Variants in THADA observed in about 807,000 individuals in gnomAD.
THADA encodes the protein THADA armadillo repeat containing, also known as tRNA (32-2'-O)-methyltransferase regulator THADA.
A neutral mutation model predicts 219.8 loss-of-function variants in THADA; 213 were observed. The ratio of observed to expected loss-of-function variants is 0.97; its 90% CI spans 0.87 to 1.09. The LOEUF is 1.09. Ranked by LOEUF, THADA falls within the 50% of genes least tolerant of loss-of-function variation. The pLI is 0.00. For missense variants in THADA, 2,956 were observed against 2,311.3 expected (o/e 1.28, Z -5.72); for synonymous variants, 1,018 against 828.9 (o/e 1.23, Z -3.92).
At chr2:43,477,281 T>A (rs529020220) in intron 26 of THADA, among the ~76,000 whole-genome samples, 2 of 151,944 alleles carry the variant, frequency 1.3e-5, no homozygotes, top group Non-Finnish European at 2.9e-5. Context: ...AGAGAGAGAA[T>A]CTCCATGGTC....
chr2:43,252,542 C>T (rs1040025353), intron 36 of THADA, among the ~76,000 whole-genome samples: 2 of 152,154 alleles, frequency 1.3e-5, no homozygotes, highest in African/African-American at 4.8e-5. Context: ...ATGGCTCCCA[C>T]ATCATATGGC....
intron 26 of THADA, among the ~76,000 whole-genome samples, chr2:43,440,484 T>C (rs564475801): frequency 3.1e-4 from 47 of 152,328 alleles, no homozygotes; most frequent in South Asian, 1.0e-3. Flanking sequence ...CTACAGGCCA[T>C]TGTTATATTC....
chr2:43,556,656 G>A, intron 16 of THADA, 101 bp from the exon 17 acceptor site: 1 of 1,121,964 alleles, frequency 8.9e-7, no homozygotes, highest in Non-Finnish European at 1.2e-6. Flanking sequence ...GAGTACAGTG[G>A]GCTCGAGCCT....
chr2:43,581,576 A>AAAAAC (rs1700462133), intron 8 of THADA, among the ~76,000 whole-genome samples, 165 bp downstream of exon 8: 1 of 150,790 alleles, frequency 6.6e-6, no homozygotes, highest in Non-Finnish European at 1.5e-5. Context: ...AAAAAAAAAA[A>AAAAAC]AACCATGTAG....
intron 28 of THADA, among the ~76,000 whole-genome samples, chr2:43,407,415 C>T (rs1165913547): frequency 1.3e-5 from 2 of 152,122 alleles, no homozygotes; most frequent in Non-Finnish European, 2.9e-5. Context: ...TATGATAGCT[C>T]TCTATTGTCA....
rs1695263033 is a variant in THADA at position 43,541,242 on chromosome 2, C to T, written c.3181G>A (p.Ala1061Thr). 6.2e-7 allele frequency: 1 copy of T among 1,611,966 alleles called. No homozygotes were observed. Among genetic ancestry groups the T allele is most frequent in the East Asian group, 2.2e-5 (1 of 44,760 alleles). ...VCCWRSMKEV[A>T]LLLGMLCQLL... ...TGGCACAACATGCCTAAAAGTAAAG[C>T]AACTTCCTTCATACTTCTCCAACAA... Residue 1061 changes from alanine to threonine, a missense_variant, in exon 21 of 38, where the codon GCT becomes ACT. Ala to Thr is a moderately conservative substitution (Grantham distance 58). Transcript: ENST00000405975.
At chr2:43,271,452 A>G (rs574287197) in intron 36 of THADA, among the ~76,000 whole-genome samples, 2 of 152,164 alleles carry the variant, frequency 1.3e-5, no homozygotes, top group Non-Finnish European at 2.9e-5. Flanking sequence ...TCTGAAAAAC[A>G]CTAAGCTTCT....
intron 27 of THADA, among the ~76,000 whole-genome samples, chr2:43,428,450 C>CA (rs931423242): frequency 4.6e-5 from 7 of 152,030 alleles, no homozygotes; most frequent in Non-Finnish European, 1.0e-4. Context: ...TCTACTAATA[C>CA]AAAAAACTAG....
intron 25 of THADA, among the ~76,000 whole-genome samples, chr2:43,490,609 C>T (rs1446348807): frequency 1.3e-5 from 2 of 152,138 alleles, no homozygotes; most frequent in Admixed American, 1.3e-4. Flanking sequence ...CAGTATATTA[C>T]ATTACAATGG....
At chr2:43,463,132 T>G (rs555391741) in intron 26 of THADA, 1 of 152,234 alleles carries the variant, frequency 6.6e-6, no homozygotes, top group Admixed American at 6.5e-5. Context: ...AGCAACTAAG[T>G]TGATTTAAGA....
At chr2:43,335,079 A>G (rs953234850) in intron 30 of THADA, among the ~76,000 whole-genome samples, 2 of 152,176 alleles carry the variant, frequency 1.3e-5, no homozygotes, top group African/African-American at 4.8e-5. Flanking sequence ...CTGGCTCTTC[A>G]AGGTACGTAC....
intron 26 of THADA, among the ~76,000 whole-genome samples, chr2:43,455,537 CA>C (rs1387568355): frequency 6.6e-6 from 1 of 152,068 alleles, no homozygotes; most frequent in East Asian, 1.9e-4. Context: ...CACACACACA[CA>C]CACAAACACA....
At chr2:43,237,907 C>G (rs1368925125) in intron 36 of THADA, among the ~76,000 whole-genome samples, 2 of 149,914 alleles carry the variant, frequency 1.3e-5, no homozygotes. Context: ...CACCTGAGGT[C>G]AGGAGTTCGA....
At chr2:43,586,223 C>G (rs1328891780) in intron 7 of THADA, among the ~76,000 whole-genome samples, 178 bp downstream of exon 7, 2 of 152,234 alleles carry the variant, frequency 1.3e-5, no homozygotes, top group East Asian at 3.9e-4. Context: ...TATGATCACA[C>G]CACTGCACTA....
chr2:43,558,420 T>A (rs891071790), intron 16 of THADA, among the ~76,000 whole-genome samples: 11 of 152,192 alleles, frequency 7.2e-5, no homozygotes, highest in Middle Eastern at 3.2e-3. Flanking sequence ...ATGCAAAGTA[T>A]TGTTCCTGTG....
chr2:43,496,931 T>C (rs1441315495), intron 25 of THADA, among the ~76,000 whole-genome samples: 1 of 152,068 alleles, frequency 6.6e-6, no homozygotes, highest in Non-Finnish European at 1.5e-5. Context: ...ATAAAGAAAA[T>C]GTGGTAGTTC....
intron 3 of THADA, among the ~76,000 whole-genome samples, chr2:43,591,264 T>C (rs1244012444): frequency 1.3e-5 from 2 of 151,974 alleles, no homozygotes; most frequent in East Asian, 3.9e-4. Flanking sequence ...GTTGAGGCTG[T>C]GGTTGAGCCA....
At chr2:43,359,760 A>C (rs1669284732) in intron 29 of THADA, among the ~76,000 whole-genome samples, 2 of 151,850 alleles carry the variant, frequency 1.3e-5, no homozygotes, top group Non-Finnish European at 2.9e-5. Context: ...ACTCTGGACA[A>C]TCATCATGGA....
At chr2:43,246,445 A>T (rs564757371) in intron 36 of THADA, among the ~76,000 whole-genome samples, 3 of 152,214 alleles carry the variant, frequency 2.0e-5, no homozygotes, top group African/African-American at 7.2e-5. Flanking sequence ...CAGAGAGCTT[A>T]GATTGCGCCA....
Sources: allele counts gnomAD v4.1 joint callset (sites outside exome capture counted in the v4.1 genomes callset), GRCh38; gene constraint gnomAD v4.1.1; transcripts MANE v1.5; gene names NCBI Gene and HGNC (gene_info 2026-07-23, HGNC 2026-07-21).